Variants in VWA5B1 observed in about 807,000 individuals in gnomAD.
VWA5B1 encodes the protein von Willebrand factor A domain-containing protein 5B1.
In VWA5B1, 115 loss-of-function variants were observed where a neutral mutation model predicts 118.2. The ratio of observed to expected loss-of-function variants is 0.97; its 90% CI spans 0.84 to 1.14. The LOEUF (loss-of-function observed/expected upper bound fraction) is 1.14, where lower values mean the gene tolerates loss of function less well. VWA5B1 is among the 50% of genes most tolerant of loss of function. The pLI, the probability that VWA5B1 is intolerant of heterozygous loss-of-function variation, is 0.00. For missense variants in VWA5B1, 1,596 were observed against 1,603.8 expected (o/e 1.00, Z 0.08); for synonymous variants, 682 against 658.4 (o/e 1.04, Z -0.55).
chr1:20,342,371 T>TCTCCTC (rs368745611), intron 14 of VWA5B1, 61 bp from the exon 15 acceptor site: 5 of 1,482,126 alleles, frequency 3.4e-6, no homozygotes, highest in Non-Finnish European at 4.6e-6. Context: ...TCCTCCTCCT[T>TCTCCTC]CTCCTCCTCC....
intron 8 of VWA5B1, among the ~76,000 whole-genome samples, chr1:20,326,567 G>A (rs1883164): frequency 0.19 from 29,472 of 152,004 alleles, 3,134 homozygotes; most frequent in East Asian, 0.39. Flanking sequence ...CCGGGTTCAA[G>A]CAATTCTCCT....
chr1:20,333,301 C>T (rs2089624810), intron 12 of VWA5B1, among the ~76,000 whole-genome samples: 2 of 152,188 alleles, frequency 1.3e-5, no homozygotes, highest in Admixed American at 6.5e-5. Context: ...GGGTGAAACC[C>T]CGTTCTCTAC....
At chr1:20,329,650 T>A (rs1190023016) in intron 9 of VWA5B1, among the ~76,000 whole-genome samples, 1 of 152,190 alleles carries the variant, frequency 6.6e-6, no homozygotes, top group African/African-American at 2.4e-5. Context: ...GAGGTCACTG[T>A]ATCCAGTGGG....
rs1557459360 is a variant in VWA5B1 at position 20,354,960 on chromosome 1, A to G, written c.*697A>G. On this transcript the variant is annotated 3_prime_UTR_variant, in exon 22 of 22. Transcript: ENST00000289815. ...CAGATCATTAGTGGCTCCCTCACTA[A>G]GAAGAGGTGGTGGCAGGACCAGGGG... 1 of 152,238 alleles carries G rather than the reference A, an allele frequency of 6.6e-6. No homozygotes were observed. The highest frequency in any genetic ancestry group is 1.5e-5 in the Non-Finnish European group (1 of 68,052). The allele number at this position is 152,238 out of a possible 1,614,324, so 9.4% of individuals were successfully genotyped here.
chr1:20,316,507 G>A (rs1231608342), intron 4 of VWA5B1, among the ~76,000 whole-genome samples: 2 of 152,204 alleles, frequency 1.3e-5, no homozygotes, highest in African/African-American at 4.8e-5. Context: ...TCAGCTTAAA[G>A]CACAATCACA....
At chr1:20,319,644 A>T (rs1448325834) in intron 7 of VWA5B1, 138 bp downstream of exon 7, 1 of 1,329,406 alleles carries the variant, frequency 7.5e-7, no homozygotes, top group African/African-American at 1.5e-5. Context: ...CCAGGCAAGA[A>T]GTGTTTCCTT....
Position 20,348,294 on chromosome 1 carries a change from G to C in VWA5B1, c.2814G>C (p.Arg938Ser). ...CTCGGGCCCTGGCCCAACAGTGGAGGGGCACCTCTTCTGGCTTTGGAAGGC... is the reference window on the plus strand; with the variant it reads ...CTCGGGCCCTGGCCCAACAGTGGAGCGGCACCTCTTCTGGCTTTGGAAGGC... Reference protein sequence around the residue: ...LGSRALAQQWRGTSSGFGRPQ... With the variant: ...LGSRALAQQWSGTSSGFGRPQ... Residue 938 changes from arginine (R) to serine (S), a missense_variant, in exon 18 of 22, where the codon AGG becomes AGC. By Grantham distance (110) the Arg-to-Ser change is moderately radical. Transcript: ENST00000289815. 1 of 1,551,682 alleles carries C rather than the reference G, an allele frequency of 6.4e-7. No homozygotes were observed. The highest frequency in any genetic ancestry group is 1.2e-5 in the South Asian group (1 of 84,068).
intron 1 of VWA5B1, among the ~76,000 whole-genome samples, chr1:20,293,315 C>A (rs940719042): frequency 6.6e-6 from 1 of 152,116 alleles, no homozygotes; most frequent in Admixed American, 6.5e-5. Context: ...ACCAATGATG[C>A]GAATGCTGGT....
chr1:20,335,261 A>G (rs1381946129), intron 12 of VWA5B1, among the ~76,000 whole-genome samples: 1 of 151,966 alleles, frequency 6.6e-6, no homozygotes, highest in East Asian at 1.9e-4. Flanking sequence ...GCTGCAGTGA[A>G]CTGATGATGC....
Position 20,327,993 on chromosome 1 carries a change from A to G in VWA5B1, c.1247A>G (p.Tyr416Cys). The stretch of plus-strand genomic sequence containing the variant: ...AGCCTTTTTCCTTCCAGCCAGACCT[A>G]CAGTGAGGTAATGAGGGGGCAAGGC... Reference protein sequence around the residue: ...FKSLFPSSQTYSEDSLAMACD... With the variant: ...FKSLFPSSQTCSEDSLAMACD... The change falls in exon 9 of 22, where the codon TAC (tyrosine) becomes TGC (cysteine). Residue 416 changes from tyrosine to cysteine, a missense_variant. By Grantham distance (194) the Tyr-to-Cys change is radical (BLOSUM62 -2). Coordinates refer to ENST00000289815, the MANE Select transcript of VWA5B1 (RefSeq NM_001039500.3). 6.4e-7 allele frequency: 1 copy of G among 1,551,490 alleles called. No individual in the cohort carries two copies.
intron 14 of VWA5B1, 45 bp downstream of exon 14, chr1:20,337,881 G>T: frequency 6.4e-7 from 1 of 1,550,758 alleles, no homozygotes; most frequent in Non-Finnish European, 8.7e-7. Flanking sequence ...GAAGGCGACA[G>T]GCAGGGGAGA....
At chr1:20,330,719 G>T (rs1359382041) in intron 10 of VWA5B1, 150 bp from the exon 11 acceptor site, 2 of 798,544 alleles carry the variant, frequency 2.5e-6, no homozygotes, top group African/African-American at 1.7e-5. Flanking sequence ...GGGTACCCCC[G>T]ATGGCCCCTC....
Position 20,303,564 on chromosome 1 carries a change from A to C in VWA5B1, c.-26-7012A>C, listed in dbSNP as rs945611621. Among the ~76,000 whole-genome samples, 6 of 152,260 alleles carry C rather than the reference A, an allele frequency of 3.9e-5. No homozygotes were observed. The Middle Eastern group carries it at 0.017, about 432-fold the overall frequency. On this transcript the variant is annotated intron_variant, in intron 1 of 21. Coordinates refer to ENST00000289815, the MANE Select transcript of VWA5B1 (RefSeq NM_001039500.3). ...AAGGAGGTTAAGTAACTTGCTCAAG[A>C]ATACGCAAAATGTGAGTGGCAGAGC... is the stretch of plus-strand genomic sequence containing the variant.
Position 20,336,454 on chromosome 1 carries a change from G to A in VWA5B1, c.1910G>A (p.Arg637Gln), listed in dbSNP as rs919102427. ...PFILGQAKNA[R>Q]LASGDSTTKH... ...ATCCTAGGGCAGGCCAAAAATGCCC[G>A]GCTAGCCAGCGGAGACTCTACCACC... Residue 637 changes from arginine (R) to glutamine (Q), a missense_variant, in exon 13 of 22, where the codon CGG becomes CAG. By Grantham distance (43) the Arg-to-Gln change is conservative. Transcript: ENST00000289815. 52 of 1,475,988 alleles carry A rather than the reference G, an allele frequency of 3.5e-5. No homozygotes were observed. The highest frequency in any genetic ancestry group is 7.1e-5 in the African/African-American group (5 of 70,836). The allele number at this position is 1,475,988 out of a possible 1,614,324, so 91.4% of individuals were successfully genotyped here.
intron 1 of VWA5B1, among the ~76,000 whole-genome samples, chr1:20,305,788 T>C (rs889337198): frequency 2.6e-5 from 4 of 151,592 alleles, no homozygotes; most frequent in African/African-American, 4.8e-5. Flanking sequence ...GTTTGGGCCA[T>C]GGTACATAAA....
chr1:20,359,486 A>G lies in VWA5B1; in HGVS notation c.*5223A>G, dbSNP rs1323810150. On this transcript the variant is annotated 3_prime_UTR_variant, in exon 22 of 22. Coordinates refer to ENST00000289815, the MANE Select transcript of VWA5B1 (RefSeq NM_001039500.3). ...TTGTACATGGTGGCTACCATTATCT[A>G]GGCTTTGAGCTGATAAAAATTGTTG... Among the ~76,000 whole-genome samples, 5 of 152,154 alleles carry G rather than the reference A, an allele frequency of 3.3e-5. No homozygotes were observed. The highest frequency in any genetic ancestry group is 4.8e-5 in the African/African-American group (2 of 41,430).
chr1:20,316,159 G>C (rs1474921248), intron 4 of VWA5B1, among the ~76,000 whole-genome samples: 1 of 152,160 alleles, frequency 6.6e-6, no homozygotes, highest in Non-Finnish European at 1.5e-5. Flanking sequence ...GTGAGGAGAG[G>C]GGGGATGCTT....
Position 20,359,002 on chromosome 1 carries a change from C to T in VWA5B1, c.*4739C>T, listed in dbSNP as rs1378397725. Among the ~76,000 whole-genome samples, 2 of 152,180 alleles carry T rather than the reference C, an allele frequency of 1.3e-5. No homozygotes were observed. The highest frequency in any genetic ancestry group is 2.9e-5 in the Non-Finnish European group (2 of 68,026). ...CCTGCTCCCAGCCCGTTGACTTTAG[C>T]CTCTCAACAGCACTGCCTCCCCGGG... On this transcript the variant is annotated 3_prime_UTR_variant, in exon 22 of 22. Coordinates refer to ENST00000289815, the MANE Select transcript of VWA5B1 (RefSeq NM_001039500.3).
chr1:20,316,636 A>G (rs1570105553), intron 4 of VWA5B1, among the ~76,000 whole-genome samples: 1 of 152,298 alleles, frequency 6.6e-6, no homozygotes, highest in Non-Finnish European at 1.5e-5. Flanking sequence ...GAGATTGCAA[A>G]GAAAGAGGGT....
Sources: gnomAD v4.1 joint callset for allele counts (sites outside exome capture counted in the v4.1 genomes callset) on GRCh38, gnomAD v4.1.1 for gene constraint, MANE v1.5 for transcripts, NCBI Gene and HGNC (gene_info 2026-07-23, HGNC 2026-07-21) for gene names.